The following MILR1 variants were observed in gnomAD, a reference collection of about 807,000 sequenced individuals.
MILR1 encodes allergin-1.
In MILR1, 31 loss-of-function variants were observed where a neutral mutation model predicts 18.5. The observed-to-expected ratio is 1.68, with a 90% CI of 1.26 to 2.26. The LOEUF is 2.26. Among genes scored for constraint, MILR1 ranks in the 30% most tolerant of loss-of-function variants. MILR1 has a pLI of 0.00. For missense variants in MILR1, 257 were observed against 157.4 expected (o/e 1.63, Z -3.38); for synonymous variants, 85 against 56.2 (o/e 1.51, Z -2.30).
At chr17:64,473,528 C>G (rs899612813), downstream of MILR1, among the ~76,000 whole-genome samples, 1 of 152,032 alleles carries the variant, frequency 6.6e-6, no homozygotes, top group East Asian at 1.9e-4. Context: ...CTGACTCTTC[C>G]GCAGCACACA....
the MILR1 span, chr17:64,477,942 T>C: frequency 5.0e-6 from 8 of 1,614,046 alleles, no homozygotes; most frequent in East Asian, 1.8e-4. Context: ...TTCTCCAAAG[T>C]AGTTTCAGTA....
At chr17:64,473,520 G>A (rs1017174819), downstream of MILR1, among the ~76,000 whole-genome samples, 2 of 151,894 alleles carry the variant, frequency 1.3e-5, no homozygotes, top group African/African-American at 4.8e-5. Flanking sequence ...CCTTACCTCT[G>A]ACTCTTCCGC....
At chr17:64,465,934 C>G (rs1214593404) in intron 6 of MILR1, among the ~76,000 whole-genome samples, 1 of 152,080 alleles carries the variant, frequency 6.6e-6, no homozygotes, top group Admixed American at 6.6e-5. Flanking sequence ...CCCAGCGCCT[C>G]GGCTGATGTA....
At chr17:64,480,215 T>G in the MILR1 span, 1 of 453,552 alleles carries the variant, frequency 2.2e-6, no homozygotes, top group South Asian at 3.5e-5. Context: ...TAGAAGAGAT[T>G]TGTTTCTGTA....
chr17:64,478,294 C>T, the MILR1 span, among the ~76,000 whole-genome samples: 1 of 152,142 alleles, frequency 6.6e-6, no homozygotes, highest in South Asian at 2.1e-4. Flanking sequence ...ATAACCTCAG[C>T]CTTTTGGTTC....
chr17:64,496,390 G>T, the MILR1 span: 7 of 1,528,058 alleles, frequency 4.6e-6, no homozygotes, highest in Non-Finnish European at 6.2e-6. Flanking sequence ...TTTGAAGCAT[G>T]AAATCGTGAA....
downstream of MILR1, among the ~76,000 whole-genome samples, chr17:64,470,590 T>C (rs1171112110): frequency 6.6e-6 from 1 of 152,170 alleles, no homozygotes. Flanking sequence ...TTTCTTATTC[T>C]CAAATGTCCA....
chr17:64,467,638 A>T lies in MILR1; in HGVS notation c.*21A>T. ...TCTGAAATTTACAGAAACAAACTAC[A>T]TCTCAGGGTAAGATGCTTTTTATGA... On this transcript the variant is annotated 3_prime_UTR_variant, in exon 9 of 10. Coordinates refer to ENST00000619286, the MANE Select transcript of MILR1 (RefSeq NM_001085423.2). 1.3e-6 allele frequency: 2 copies of T among 1,543,252 alleles called. No homozygotes were observed. The highest frequency in any genetic ancestry group is 1.2e-5 in the South Asian group (1 of 85,176).
chr17:64,461,347 A>G (rs1296731733), intron 5 of MILR1, among the ~76,000 whole-genome samples: 5 of 152,068 alleles, frequency 3.3e-5, no homozygotes, highest in South Asian at 2.1e-4. Context: ...TCCTGGGTTC[A>G]AGCAATTCTC....
chr17:64,485,701 A>G, the MILR1 span: 1 of 1,586,774 alleles, frequency 6.3e-7, no homozygotes, highest in Non-Finnish European at 8.7e-7. Context: ...TAGTTTCCCA[A>G]GTCTATCTCT....
chr17:64,456,639 T>C (rs2037307204), intron 3 of MILR1, among the ~76,000 whole-genome samples: 1 of 152,042 alleles, frequency 6.6e-6, no homozygotes, highest in Admixed American at 6.6e-5. Flanking sequence ...AGTGAGACTC[T>C]GTCTCTACAA....
chr17:64,460,337 A>G (rs933763845), intron 4 of MILR1, among the ~76,000 whole-genome samples: 12 of 150,622 alleles, frequency 8.0e-5, no homozygotes, highest in Non-Finnish European at 1.3e-4. Context: ...ATTTTTGTTT[A>G]TTTATTAACT....
the MILR1 span, chr17:64,480,265 C>T: frequency 9.1e-7 from 1 of 1,104,736 alleles, no homozygotes; most frequent in Non-Finnish European, 1.4e-6. Flanking sequence ...TAAATACACT[C>T]TTTAATGAAA....
At chr17:64,478,945 T>A in the MILR1 span, among the ~76,000 whole-genome samples, 5 of 152,026 alleles carry the variant, frequency 3.3e-5, no homozygotes, top group Non-Finnish European at 7.4e-5. Context: ...TATAGCAAAG[T>A]GAATAAAACA....
At chr17:64,492,722 G>C in the MILR1 span, 1 of 1,613,428 alleles carries the variant, frequency 6.2e-7, no homozygotes, top group African/African-American at 1.3e-5. Context: ...CTGGTTTGAA[G>C]TTCTCGGAGG....
chr17:64,477,810 CAA>C, the MILR1 span: 1 of 1,552,850 alleles, frequency 6.4e-7, no homozygotes, highest in South Asian at 1.2e-5. Context: ...ATTTATTATA[CAA>C]ATATAAAAAT....
the MILR1 span, chr17:64,478,077 A>G: frequency 7.3e-7 from 1 of 1,374,218 alleles, no homozygotes; most frequent in Non-Finnish European, 1.0e-6. Context: ...GTGTTCATGC[A>G]CTCTCAAGAG....
At chr17:64,492,126 A>C in the MILR1 span, among the ~76,000 whole-genome samples, 1 of 152,240 alleles carries the variant, frequency 6.6e-6, no homozygotes, top group Non-Finnish European at 1.5e-5. Context: ...TAAAGAAGAA[A>C]GTATCACATA....
rs2037199111 is a variant in MILR1 at position 64,452,616 on chromosome 17, G to A, written c.117G>A (p.Leu39=). ...TTTCAGAATTCCCTTCTCCATGTTT[G>A]GACTCAAAGACTAAGGTGGTTATGA... The part of the protein sequence containing the change: ...MKTNEFPSPC[L]DSKTKVVMKG... The change falls in exon 3 of 10, where the codon TTG becomes TTA. Residue 39 remains leucine, a synonymous_variant. Transcript: ENST00000619286. The A allele has an allele frequency of 4.7e-6, 2 of 422,934 alleles. No homozygotes were observed. The highest frequency in any genetic ancestry group is 2.3e-4 in the South Asian group (2 of 8,880). 26.2% of individuals were successfully genotyped at this position (422,934 alleles called of 1,614,324 possible).
Sources: allele counts gnomAD v4.1 joint callset (sites outside exome capture counted in the v4.1 genomes callset), GRCh38; gene constraint gnomAD v4.1.1; transcripts MANE v1.5; gene names NCBI Gene and HGNC (gene_info 2026-07-23, HGNC 2026-07-21).